USH2A: variants seen among roughly 807,000 people sequenced by gnomAD.
The protein encoded by USH2A is Usher syndrome 2A (autosomal recessive, mild).
Under a neutral mutation model 538.9 loss-of-function variants are expected in USH2A, and 443 were observed. The observed-to-expected ratio is 0.82, with a 90% CI of 0.76 to 0.89. The LOEUF is 0.89. Among genes scored for constraint, USH2A ranks in the 40% least tolerant of loss-of-function variants. The probability of loss-of-function intolerance (pLI) is 0.00; values close to 1 mark genes in which losing one functional copy is unlikely to be tolerated. For missense variants in USH2A, 6,633 were observed against 6,324.8 expected (o/e 1.05, Z -1.65); for synonymous variants, 2,413 against 2,273.5 (o/e 1.06, Z -1.75).
intron 38 of USH2A, among the ~76,000 whole-genome samples, chr1:215,920,495 A>G (rs1284664269): frequency 6.6e-6 from 1 of 152,042 alleles, no homozygotes; most frequent in African/African-American, 2.4e-5. Context: ...TGTCCTTTAA[A>G]CAAAGAATTG....
At chr1:215,627,780 G>A (rs1236591636) in intron 71 of USH2A, among the ~76,000 whole-genome samples, 2 of 152,036 alleles carry the variant, frequency 1.3e-5, no homozygotes, top group East Asian at 3.9e-4. Flanking sequence ...CGCCCACCTC[G>A]GCCTCCCAAA....
intron 15 of USH2A, among the ~76,000 whole-genome samples, chr1:216,209,677 C>T (rs1407647791): frequency 4.6e-5 from 7 of 152,168 alleles, no homozygotes; most frequent in Non-Finnish European, 1.0e-4. Flanking sequence ...TCCATGGTTC[C>T]TGGCTCATAA....
At chr1:215,751,621 T>C (rs1287720286) in intron 58 of USH2A, among the ~76,000 whole-genome samples, 1 of 152,132 alleles carries the variant, frequency 6.6e-6, no homozygotes, top group East Asian at 1.9e-4. Context: ...CATTTGCTAT[T>C]TAATTTTCCA....
intron 12 of USH2A, among the ~76,000 whole-genome samples, chr1:216,250,194 AT>A (rs1018082574): frequency 2.0e-4 from 30 of 152,152 alleles, no homozygotes; most frequent in African/African-American, 7.2e-4. Context: ...AAAATGTTGG[AT>A]GTAATAAATT....
chr1:216,137,318 G>C (rs751500947), intron 21 of USH2A, among the ~76,000 whole-genome samples: 7 of 152,170 alleles, frequency 4.6e-5, no homozygotes, highest in Non-Finnish European at 1.0e-4. Context: ...TGGACTTACA[G>C]TACTACATGG....
chr1:215,953,353 G>T lies in USH2A; in HGVS notation c.7120+11964C>A, dbSNP rs570971240. Among the ~76,000 whole-genome samples, 994 of 152,284 alleles carry T rather than the reference G, an allele frequency of 6.5e-3. 12 individuals carry two copies. Among genetic ancestry groups the T allele is most frequent in the African/African-American group, 0.023 (937 of 41,552 alleles). On this transcript the variant is annotated intron_variant, in intron 37 of 71. Transcript: ENST00000307340. ...ACAGTAACCAAAACAGCATGGTACT[G>T]GTACCAAAACAGACATAGACCAATA...
At chr1:215,820,876 T>C (rs567624782) in intron 47 of USH2A, among the ~76,000 whole-genome samples, 1 of 151,846 alleles carries the variant, frequency 6.6e-6, no homozygotes, top group Non-Finnish European at 1.5e-5. Flanking sequence ...TTACTTAACA[T>C]AATGACCTCC....
chr1:216,043,103 T>C (rs1203443238), intron 32 of USH2A, among the ~76,000 whole-genome samples: 1 of 152,088 alleles, frequency 6.6e-6, no homozygotes, highest in Non-Finnish European at 1.5e-5. Flanking sequence ...GTCTTTCTTT[T>C]AGAGTTCTGG....
At chr1:216,237,068 C>G (rs80270703) in intron 13 of USH2A, among the ~76,000 whole-genome samples, 1 of 152,080 alleles carries the variant, frequency 6.6e-6, no homozygotes, top group African/African-American at 2.4e-5. Flanking sequence ...TGTTCCCATT[C>G]AGTGTTTATC....
chr1:215,743,406 G>GTATATATA (rs1172597993), intron 58 of USH2A, 71 bp from the exon 59 acceptor site: 131 of 471,366 alleles, frequency 2.8e-4, no homozygotes, highest in Admixed American at 5.4e-4. Context: ...GTGTGTGTGT[G>GTATATATA]TGTGTGTGTG....
Position 215,878,997 on chromosome 1 carries a change from C to T in USH2A, c.8325G>A (p.Val2775=), listed in dbSNP as rs1188384028. 1.2e-6 allele frequency: 2 copies of T among 1,613,972 alleles called. No individual in the cohort carries two copies. The highest frequency in any genetic ancestry group is 1.1e-5 in the South Asian group (1 of 91,092). The change falls in exon 42 of 72, where the codon GTG becomes GTA. Residue 2775 remains valine (V), a synonymous_variant. Coordinates refer to ENST00000307340, the MANE Select transcript of USH2A (RefSeq NM_206933.4). ...HITLTNVTSA[V]LSQKVTHLIP... ...TCAGATGAGTAACTTTTTGACTTAACACTGCGGAAGTCACATTGGTTAAAG... is the reference window on the plus strand; with the variant it reads ...TCAGATGAGTAACTTTTTGACTTAATACTGCGGAAGTCACATTGGTTAAAG...
intron 11 of USH2A, among the ~76,000 whole-genome samples, chr1:216,258,382 A>C (rs1368962520): frequency 3.9e-5 from 6 of 152,084 alleles, no homozygotes; most frequent in Non-Finnish European, 7.4e-5. Context: ...GCATTACATG[A>C]GTGTTAATTA....
At chr1:215,629,148 TTGTCACATTGTCAATGAAGGGAACAAC>T (rs1242253447) in intron 70 of USH2A, 113 bp from the exon 71 acceptor site, 3 of 1,109,492 alleles carry the variant, frequency 2.7e-6, no homozygotes, top group Non-Finnish European at 4.1e-6. Flanking sequence ...CTCCTGACAA[TTGTCACATTGTCAATGAAGGGAACAAC>T]TGTCACCTAC....
At chr1:215,774,569 C>T (rs888008317) in intron 55 of USH2A, among the ~76,000 whole-genome samples, 1 of 151,804 alleles carries the variant, frequency 6.6e-6, no homozygotes. Flanking sequence ...TTTCCTCTTT[C>T]AAGTTCAGTG....
At chr1:216,321,815 T>C in intron 9 of USH2A, 68 bp downstream of exon 9, 1 of 1,364,936 alleles carries the variant, frequency 7.3e-7, no homozygotes, top group Non-Finnish European at 1.0e-6. Context: ...AAGATTAAGT[T>C]CATAGAATTT....
intron 12 of USH2A, among the ~76,000 whole-genome samples, chr1:216,248,380 C>T: frequency 6.6e-6 from 1 of 151,926 alleles, no homozygotes; most frequent in East Asian, 1.9e-4. Context: ...TTCCAAATAT[C>T]CATGAATTTA....
chr1:216,008,437 C>T (rs915850856), intron 32 of USH2A, among the ~76,000 whole-genome samples: 18 of 152,094 alleles, frequency 1.2e-4, no homozygotes, highest in African/African-American at 4.3e-4. Context: ...GGCCCCACCC[C>T]TATCTCCCTT....
chr1:216,151,892 T>C (rs1237663146), intron 21 of USH2A, among the ~76,000 whole-genome samples: 2 of 152,154 alleles, frequency 1.3e-5, no homozygotes, highest in African/African-American at 4.8e-5. Context: ...TTAATACCCA[T>C]TTTTTTCCTT....
chr1:216,026,109 G>C (rs1385098474), intron 32 of USH2A, among the ~76,000 whole-genome samples: 2 of 152,060 alleles, frequency 1.3e-5, no homozygotes, highest in Non-Finnish European at 2.9e-5. Flanking sequence ...CCTGTTCTAG[G>C]TTTGAATGAG....
Sources: allele counts gnomAD v4.1 joint callset (sites outside exome capture counted in the v4.1 genomes callset), GRCh38; gene constraint gnomAD v4.1.1; transcripts MANE v1.5; gene names NCBI Gene and HGNC (gene_info 2026-07-23, HGNC 2026-07-21).